Variants in STEAP1B observed in about 807,000 individuals in gnomAD.
The protein encoded by STEAP1B is STEAP family protein MGC87042.
STEAP1B carries 13 observed loss-of-function variants against 27.9 expected under a neutral mutation model. The ratio of observed to expected loss-of-function variants is 0.47; its 90% CI spans 0.30 to 0.74. The LOEUF (loss-of-function observed/expected upper bound fraction) is 0.74. STEAP1B is among the 30% of genes least tolerant of loss of function. The pLI is 0.06. For missense variants in STEAP1B, 250 were observed against 298.7 expected, an observed-to-expected ratio of 0.84 and a Z score of 1.20; for synonymous variants, 86 against 107.1, an observed-to-expected ratio of 0.80 and a Z score of 1.22.
intron 4 of STEAP1B, among the ~76,000 whole-genome samples, chr7:22,454,606 G>A (rs1332933902): frequency 1.3e-5 from 2 of 151,954 alleles, no homozygotes; most frequent in Admixed American, 6.6e-5. Context: ...GCTGGCTGCT[G>A]GAGAGGCTGC....
intron 4 of STEAP1B, among the ~76,000 whole-genome samples, chr7:22,421,878 T>A (rs527537983): frequency 1.3e-5 from 2 of 152,342 alleles, no homozygotes; most frequent in African/African-American, 4.8e-5. Flanking sequence ...CTTCTTTCAA[T>A]GTATACCCCA....
At position 22,471,071 on chromosome 7, in the gene STEAP1B, C is replaced by A. The variant is rs566414753; in HGVS notation, c.762+21494G>T. ...GGAAACCTAAAGAGCCTATTTTTTCCCCCTTTCCTTCTTCAAACTTCTAAG... is the reference window on the plus strand; with the variant it reads ...GGAAACCTAAAGAGCCTATTTTTTCACCCTTTCCTTCTTCAAACTTCTAAG... On this transcript the variant is annotated intron_variant, in intron 4 of 4. Coordinates refer to ENST00000678116, the MANE Select transcript of STEAP1B (RefSeq NM_001382447.1). Among the ~76,000 whole-genome samples the A allele has an allele frequency of 6.4e-3, 975 of 152,126 alleles. 6 individuals carry two copies. The highest frequency in any genetic ancestry group is 0.02 in the Middle Eastern group (6 of 294).
intron 4 of STEAP1B, among the ~76,000 whole-genome samples, chr7:22,487,426 T>A (rs1786229456): frequency 6.6e-6 from 1 of 151,850 alleles, no homozygotes; most frequent in Non-Finnish European, 1.5e-5. Flanking sequence ...AACCAAGACT[T>A]GATAGTTAGA....
At chr7:22,471,138 C>G (rs1211425199) in intron 4 of STEAP1B, among the ~76,000 whole-genome samples, 2 of 152,206 alleles carry the variant, frequency 1.3e-5, no homozygotes, top group African/African-American at 4.8e-5. Context: ...TTTCCTCTCC[C>G]ACACAGCTCA....
At chr7:22,431,329 TC>T (rs1785184505) in intron 4 of STEAP1B, among the ~76,000 whole-genome samples, 1 of 152,076 alleles carries the variant, frequency 6.6e-6, no homozygotes, top group Non-Finnish European at 1.5e-5. Context: ...CTCAATTATG[TC>T]CAGCAGGAAG....
chr7:22,438,365 G>A, intron 4 of STEAP1B: 1 of 1,124,154 alleles, frequency 8.9e-7, no homozygotes, highest in Non-Finnish European at 1.2e-6. Flanking sequence ...AGTGAAGATT[G>A]CATTAAAATA....
intron 4 of STEAP1B, among the ~76,000 whole-genome samples, chr7:22,476,999 C>CA (rs1449747485): frequency 6.6e-6 from 1 of 152,202 alleles, no homozygotes; most frequent in Non-Finnish European, 1.5e-5. Flanking sequence ...GCCCTCTCCC[C>CA]AACATGGCAC....
intron 4 of STEAP1B, among the ~76,000 whole-genome samples, chr7:22,420,038 T>A (rs974146670): frequency 6.6e-6 from 1 of 152,142 alleles, no homozygotes; most frequent in Non-Finnish European, 1.5e-5. Flanking sequence ...GTGGTCTTTC[T>A]CCCTGAGATA....
intron 3 of STEAP1B, 59 bp downstream of exon 3, chr7:22,493,265 T>A (rs1786365962): frequency 2.0e-6 from 3 of 1,483,802 alleles, no homozygotes. Context: ...TGAGAAATGA[T>A]TAATTTGTTA....
Position 22,492,626 on chromosome 7 carries a change from G to C in STEAP1B, c.701C>G (p.Ala234Gly). ...IVGLAILALL[A>G]VTSIPSVSDS... Reference sequence around the variant, plus strand: ...ACTCACAGATGGAATAGATGTCACAGCCAACAGAGCCAGTATTGCCAGTCC... The same window carrying C: ...ACTCACAGATGGAATAGATGTCACACCCAACAGAGCCAGTATTGCCAGTCC... The change falls in exon 4 of 5, where the codon GCT becomes GGT. Residue 234 changes from alanine (A) to glycine (G), a missense_variant. By Grantham distance (60) the Ala-to-Gly change is moderately conservative. Transcript: ENST00000678116. 6.2e-7 allele frequency: 1 copy of C among 1,613,582 alleles called. No homozygotes were observed. The highest frequency in any genetic ancestry group is 8.5e-7 in the Non-Finnish European group (1 of 1,179,744).
At chr7:22,486,409 G>C (rs1222866119) in intron 4 of STEAP1B, among the ~76,000 whole-genome samples, 2 of 152,038 alleles carry the variant, frequency 1.3e-5, no homozygotes, top group Non-Finnish European at 2.9e-5. Flanking sequence ...TTGCAAACAA[G>C]GCCCTGAGGC....
At chr7:22,492,349 G>GAAAAAAAAAAAAAAAAATA (rs1371957621) in intron 4 of STEAP1B, 1 of 185,132 alleles carries the variant, frequency 5.4e-6, no homozygotes, top group Admixed American at 8.2e-5. Context: ...AAAAAAAAAG[G>GAAAAAAAAAAAAAAAAATA]ATATTTTAAT....
chr7:22,426,168 T>C (rs1785104910), intron 4 of STEAP1B, among the ~76,000 whole-genome samples: 1 of 142,090 alleles, frequency 7.0e-6, no homozygotes, highest in Non-Finnish European at 1.5e-5. Context: ...GTTAAGTCAA[T>C]CCTTTTGTCT....
chr7:22,478,622 A>G (rs1786014202), intron 4 of STEAP1B, among the ~76,000 whole-genome samples: 1 of 152,228 alleles, frequency 6.6e-6, no homozygotes, highest in African/African-American at 2.4e-5. Flanking sequence ...AAATGAGAAT[A>G]CTTAACTCAC....
intron 4 of STEAP1B, among the ~76,000 whole-genome samples, chr7:22,448,716 C>T (rs1185660577): frequency 1.3e-5 from 2 of 152,068 alleles, no homozygotes; most frequent in Non-Finnish European, 2.9e-5. Context: ...AAGAATGTTT[C>T]TCATGATATC....
chr7:22,429,805 A>C (rs1409087118), intron 4 of STEAP1B, among the ~76,000 whole-genome samples: 1 of 152,222 alleles, frequency 6.6e-6, no homozygotes, highest in Non-Finnish European at 1.5e-5. Context: ...AAACTTCAAA[A>C]ACTTATAAAT....
chr7:22,432,509 G>A (rs1300082852), intron 4 of STEAP1B, among the ~76,000 whole-genome samples: 10 of 152,184 alleles, frequency 6.6e-5, no homozygotes, highest in Non-Finnish European at 2.9e-5. Flanking sequence ...CCTGGAGGCA[G>A]AGGTTGCAGC....
At chr7:22,495,696 A>T (rs1213904980) in intron 1 of STEAP1B, among the ~76,000 whole-genome samples, 1 of 152,110 alleles carries the variant, frequency 6.6e-6, no homozygotes, top group African/African-American at 2.4e-5. Flanking sequence ...AACAGATTAG[A>T]TATACAACAA....
intron 4 of STEAP1B, among the ~76,000 whole-genome samples, chr7:22,442,645 G>A (rs1397662553): frequency 6.6e-6 from 1 of 152,242 alleles, no homozygotes; most frequent in African/African-American, 2.4e-5. Context: ...AGGACCTGAC[G>A]ATGCCTTTGA....
Sources: allele counts gnomAD v4.1 joint callset (sites outside exome capture counted in the v4.1 genomes callset), GRCh38; gene constraint gnomAD v4.1.1; transcripts MANE v1.5; gene names NCBI Gene and HGNC (gene_info 2026-07-23, HGNC 2026-07-21).